Variants in CHCHD6 observed in about 807,000 individuals in gnomAD.
CHCHD6 encodes MICOS complex subunit MIC25.
A neutral mutation model predicts 32.3 loss-of-function variants in CHCHD6; 28 were observed. That is an observed-to-expected ratio of 0.87 (90% CI 0.64 to 1.19). The LOEUF (loss-of-function observed/expected upper bound fraction) is 1.19. Ranked by LOEUF, CHCHD6 falls within the 50% of genes most tolerant of loss-of-function variation. CHCHD6 has a pLI of 0.00. For synonymous variants in CHCHD6, 122 were observed against 117.5 expected (o/e 1.04, Z -0.25); for missense variants, 333 against 307.0 (o/e 1.08, Z -0.63).
At chr3:126,766,026 T>C (rs1937357561) in intron 4 of CHCHD6, among the ~76,000 whole-genome samples, 1 of 152,172 alleles carries the variant, frequency 6.6e-6, no homozygotes, top group Non-Finnish European at 1.5e-5. Flanking sequence ...GGGACATTTT[T>C]TCTGATTAAA....
At chr3:126,822,065 T>A (rs1940177387) in intron 4 of CHCHD6, among the ~76,000 whole-genome samples, 1 of 152,222 alleles carries the variant, frequency 6.6e-6, no homozygotes, top group Non-Finnish European at 1.5e-5. Flanking sequence ...TTAATTTCGA[T>A]GAAATTCAAC....
At position 126,733,109 on chromosome 3, in the gene CHCHD6, A is replaced by G. The variant is rs1935884099; in HGVS notation, c.298A>G (p.Lys100Glu). Reference sequence around the variant, plus strand: ...ACAGGAGCATGCTGCTATCCAGGATAAGCTCTTCCAGGTGGCAAAGAGGGA... The same window carrying G: ...ACAGGAGCATGCTGCTATCCAGGATGAGCTCTTCCAGGTGGCAAAGAGGGA... ...YEQEHAAIQD[K>E]LFQVAKRERE... Residue 100 changes from lysine to glutamate, a missense_variant, in exon 4 of 8, where the codon AAG becomes GAG. Lys to Glu is a moderately conservative substitution (Grantham distance 56). Transcript: ENST00000290913. 2.5e-6 allele frequency: 4 copies of G among 1,614,206 alleles called. No homozygotes were observed.
At chr3:126,744,005 G>C (rs1404286090) in intron 4 of CHCHD6, among the ~76,000 whole-genome samples, 1 of 152,210 alleles carries the variant, frequency 6.6e-6, no homozygotes, top group African/African-American at 2.4e-5. Flanking sequence ...TGCCATGCTT[G>C]CTGTACCCCT....
chr3:126,957,652 A>C, intron 7 of CHCHD6, 101 bp downstream of exon 7: 1 of 1,371,908 alleles, frequency 7.3e-7, no homozygotes, highest in East Asian at 2.5e-5. Context: ...TCCTGTTAGA[A>C]TCAGATGCTC....
chr3:126,862,373 C>T (rs1171976824), intron 5 of CHCHD6, among the ~76,000 whole-genome samples: 3 of 136,114 alleles, frequency 2.2e-5, no homozygotes, highest in East Asian at 2.5e-4. Flanking sequence ...TCCTCCACCA[C>T]CATCACCACC....
chr3:126,898,663 T>C (rs909391253), intron 5 of CHCHD6, among the ~76,000 whole-genome samples: 15 of 152,104 alleles, frequency 9.9e-5, no homozygotes, highest in Admixed American at 1.3e-4. Flanking sequence ...CTTAGCCTAC[T>C]GAGTAGCTGG....
At chr3:126,842,644 T>G (rs1203158915) in intron 4 of CHCHD6, among the ~76,000 whole-genome samples, 1 of 152,224 alleles carries the variant, frequency 6.6e-6, no homozygotes, top group East Asian at 1.9e-4. Flanking sequence ...TAAGTACATT[T>G]ACCTCACAGA....
intron 4 of CHCHD6, among the ~76,000 whole-genome samples, chr3:126,799,863 A>T (rs891090770): frequency 1.3e-5 from 2 of 152,172 alleles, no homozygotes; most frequent in African/African-American, 4.8e-5. Flanking sequence ...TTTGGGTCTT[A>T]CTTCATATGT....
intron 6 of CHCHD6, among the ~76,000 whole-genome samples, chr3:126,917,407 T>C (rs2078187571): frequency 6.6e-6 from 1 of 152,192 alleles, no homozygotes; most frequent in South Asian, 2.1e-4. Flanking sequence ...GGACGTAAGA[T>C]GGCAGCAGGG....
chr3:126,802,691 T>C (rs1939143908), intron 4 of CHCHD6, among the ~76,000 whole-genome samples: 1 of 152,000 alleles, frequency 6.6e-6, no homozygotes, highest in Non-Finnish European at 1.5e-5. Context: ...AGGCCAACAT[T>C]CAAATTCAGG....
intron 4 of CHCHD6, among the ~76,000 whole-genome samples, chr3:126,738,381 C>G (rs896114819): frequency 6.6e-6 from 1 of 152,184 alleles, no homozygotes; most frequent in African/African-American, 2.4e-5. Context: ...TGTATCATGA[C>G]TTTAAGATGT....
chr3:126,862,400 T>TCGA (rs1941951302), intron 5 of CHCHD6, among the ~76,000 whole-genome samples: 1 of 45,186 alleles, frequency 2.2e-5, no homozygotes, highest in Non-Finnish European at 4.1e-5. Context: ...TCCTCTACCA[T>TCGA]CACCACCTCC....
At chr3:126,930,026 A>G (rs1378346222) in intron 6 of CHCHD6, among the ~76,000 whole-genome samples, 1 of 152,078 alleles carries the variant, frequency 6.6e-6, no homozygotes. Flanking sequence ...TGGATATCCA[A>G]CCCATGTTAT....
chr3:126,831,690 A>G (rs982291062), intron 4 of CHCHD6, among the ~76,000 whole-genome samples: 1 of 152,222 alleles, frequency 6.6e-6, no homozygotes, highest in African/African-American at 2.4e-5. Context: ...AAACAGGCTC[A>G]TACTCAATAT....
chr3:126,833,775 G>A (rs1380116421), intron 4 of CHCHD6, among the ~76,000 whole-genome samples: 1 of 152,188 alleles, frequency 6.6e-6, no homozygotes, highest in African/African-American at 2.4e-5. Flanking sequence ...CAATAACGTG[G>A]CCGGGCGCGG....
intron 4 of CHCHD6, among the ~76,000 whole-genome samples, chr3:126,818,842 C>G (rs998435262): frequency 7.9e-5 from 12 of 152,348 alleles, no homozygotes; most frequent in Middle Eastern, 6.8e-3. Flanking sequence ...GGGTTTAAAG[C>G]AGGCCTGATG....
intron 6 of CHCHD6, among the ~76,000 whole-genome samples, chr3:126,953,536 T>G (rs577568499): frequency 6.6e-6 from 1 of 152,338 alleles, no homozygotes; most frequent in South Asian, 2.1e-4. Context: ...CCACCTCGGT[T>G]TCTCACACTG....
chr3:126,722,289 A>G (rs1291078552), intron 1 of CHCHD6, among the ~76,000 whole-genome samples: 1 of 152,152 alleles, frequency 6.6e-6, no homozygotes, highest in African/African-American at 2.4e-5. Context: ...CCAAGAAGCT[A>G]GGACTGTAGG....
chr3:126,920,679 A>G (rs1289980792), intron 6 of CHCHD6, among the ~76,000 whole-genome samples: 1 of 152,198 alleles, frequency 6.6e-6, no homozygotes, highest in Non-Finnish European at 1.5e-5. Flanking sequence ...CTGGCTCCCT[A>G]AGTCCTAGCT....
Sources: allele counts gnomAD v4.1 joint callset (sites outside exome capture counted in the v4.1 genomes callset), GRCh38; gene constraint gnomAD v4.1.1; transcripts MANE v1.5; gene names NCBI Gene and HGNC (gene_info 2026-07-23, HGNC 2026-07-21).